PRPF6: variants seen among roughly 807,000 people sequenced by gnomAD.
PRPF6 encodes the protein pre-mRNA processing factor 6.
In PRPF6, 42 loss-of-function variants were observed where a neutral mutation model predicts 118.3. The ratio of observed to expected loss-of-function variants is 0.35; its 90% confidence interval spans 0.28 to 0.46. PRPF6 has a LOEUF of 0.46. Among genes scored for constraint, PRPF6 ranks in the 20% least tolerant of loss-of-function variants. The pLI is 1.00. For synonymous variants in PRPF6, 481 were observed against 485.1 expected, an observed-to-expected ratio of 0.99 and a Z score of 0.11; for missense variants, 662 against 1,255.7, an observed-to-expected ratio of 0.53 and a Z score of 7.15.
At chr20:63,993,225 A>AATGT (rs2059125982) in intron 3 of PRPF6, among the ~76,000 whole-genome samples, 182 bp from the exon 4 acceptor site, 1 of 102,902 alleles carries the variant, frequency 9.7e-6, no homozygotes, top group Non-Finnish European at 2.0e-5. Context: ...CAAAAAAAAA[A>AATGT]ATGTGTGTGT....
rs777683469 is a variant in PRPF6 at position 64,032,001 on chromosome 20, C to T, written c.2630C>T (p.Ala877Val). ...TVKIDSDLGDAWAFFYKFELQ... is the reference protein window; with the variant it reads ...TVKIDSDLGDVWAFFYKFELQ... ...AAGATTGACTCGGACCTGGGGGATG[C>T]CTGGGCCTTCTTCTACAAGTTTGAG... is the stretch of plus-strand genomic sequence containing the variant. The change falls in exon 20 of 21, where the codon GCC becomes GTC. Residue 877 changes from alanine (A) to valine (V), a missense_variant. Ala to Val is a moderately conservative substitution (Grantham distance 64, BLOSUM62 0). Around this residue, in one of 10 missense-constraint regions of PRPF6, gnomAD observed 244 missense variants for 383.7 expected, o/e 0.64. Coordinates refer to ENST00000266079, the MANE Select transcript of PRPF6 (RefSeq NM_012469.4). 1 of 1,614,172 alleles carries T rather than the reference C, an allele frequency of 6.2e-7. No homozygotes were observed. Among genetic ancestry groups the T allele is most frequent in the Non-Finnish European group, 8.5e-7 (1 of 1,180,040 alleles).
intron 5 of PRPF6, 94 bp downstream of exon 5, chr20:63,995,186 G>A: frequency 6.3e-7 from 1 of 1,595,234 alleles, no homozygotes; most frequent in Non-Finnish European, 8.6e-7. Context: ...GCTTCTGCAG[G>A]TCATGGCTAT....
intron 9 of PRPF6, among the ~76,000 whole-genome samples, chr20:64,004,032 T>C (rs2059179466): frequency 6.6e-6 from 1 of 152,242 alleles, no homozygotes; most frequent in Admixed American, 6.5e-5. Flanking sequence ...TCTGGGTAAT[T>C]AGTATTGTTT....
At chr20:64,005,604 G>A (rs746655281) in intron 9 of PRPF6, among the ~76,000 whole-genome samples, 1 of 152,084 alleles carries the variant, frequency 6.6e-6, no homozygotes, top group Non-Finnish European at 1.5e-5. Context: ...TTTAGACAGA[G>A]CCTCGTCCTA....
chr20:63,997,167 C>G (rs1374220468), intron 6 of PRPF6, among the ~76,000 whole-genome samples: 1 of 152,090 alleles, frequency 6.6e-6, no homozygotes, highest in Non-Finnish European at 1.5e-5. Context: ...ATCCACCGTT[C>G]TCTCTGTTTC....
intron 1 of PRPF6, 127 bp downstream of exon 1, chr20:63,981,443 C>T (rs974492010): frequency 1.1e-6 from 1 of 939,334 alleles, no homozygotes. Context: ...CGGCTTAATC[C>T]CTGCAGGAAG....
intron 6 of PRPF6, among the ~76,000 whole-genome samples, chr20:63,998,713 G>T (rs1288282860): frequency 6.7e-6 from 1 of 150,104 alleles, no homozygotes; most frequent in Admixed American, 6.6e-5. Context: ...GTGGTGGCGG[G>T]CGCCTGTAGT....
intron 9 of PRPF6, among the ~76,000 whole-genome samples, chr20:64,009,554 C>A (rs1432243356): frequency 6.6e-6 from 1 of 152,088 alleles, no homozygotes; most frequent in Non-Finnish European, 1.5e-5. Context: ...GAAACCCCGT[C>A]CCTACTAAAA....
At chr20:64,002,014 G>GTTTTTTTTTTTT (rs386394238) in intron 9 of PRPF6, among the ~76,000 whole-genome samples, 9 of 83,266 alleles carry the variant, frequency 1.1e-4, no homozygotes, top group Non-Finnish European at 1.7e-4. Flanking sequence ...TTTTTTTCTG[G>GTTTTTTTTTTTT]TTTTTTTTTT....
At chr20:64,018,608 A>AT (rs997815472) in intron 12 of PRPF6, among the ~76,000 whole-genome samples, 13 of 151,512 alleles carry the variant, frequency 8.6e-5, no homozygotes, top group South Asian at 8.4e-4. Context: ...CTAAATGGTG[A>AT]TTTTTTTTAA....
In PRPF6 at chr20:64,026,063, G is replaced by A. The variant is rs773257613; in HGVS notation, c.2028+5G>A. 5.6e-6 allele frequency: 9 copies of A among 1,602,068 alleles called. No homozygotes were observed. The highest frequency in any genetic ancestry group is 4.5e-5 in the East Asian group (2 of 44,896). On this transcript the variant is annotated splice_donor_5th_base_variant and intron_variant, in intron 15 of 20. Transcript: ENST00000266079. This position sits in a 1 kb window ranked among gnomAD's most constrained non-coding sequence, Gnocchi z 4.4. ...AGCAGTGCCCCCACCGCCCGGGTAC[G>A]CAGTGGCAGGCAGGGCTGGGCCGTC...
At chr20:64,020,908 T>C (rs1362619782) in intron 12 of PRPF6, among the ~76,000 whole-genome samples, 1 of 151,498 alleles carries the variant, frequency 6.6e-6, no homozygotes, top group Non-Finnish European at 1.5e-5. Flanking sequence ...TGCCTCAGCC[T>C]CCCAAGTAGC....
chr20:63,997,276 C>T (rs966782467), intron 6 of PRPF6, among the ~76,000 whole-genome samples: 1 of 149,608 alleles, frequency 6.7e-6, no homozygotes, highest in African/African-American at 2.5e-5. Flanking sequence ...GTGCAGCATG[C>T]GTCAGCATGT....
At chr20:64,019,669 A>T (rs936324463) in intron 12 of PRPF6, among the ~76,000 whole-genome samples, 3 of 152,204 alleles carry the variant, frequency 2.0e-5, no homozygotes, top group African/African-American at 4.8e-5. Flanking sequence ...GAAATCACAG[A>T]GAGGGGCATA....
chr20:64,013,833 C>T (rs1279159695), intron 11 of PRPF6, among the ~76,000 whole-genome samples: 3 of 152,182 alleles, frequency 2.0e-5, no homozygotes, highest in African/African-American at 7.2e-5. Flanking sequence ...CAGAGCTATG[C>T]GCTATCACCA....
intron 12 of PRPF6, among the ~76,000 whole-genome samples, chr20:64,021,988 CTGTG>C (rs111363019): frequency 0.018 from 2,377 of 135,752 alleles, 52 homozygotes; most frequent in African/African-American, 0.061. Flanking sequence ...GGCCACAGCC[CTGTG>C]TGTGTGTGTG....
intron 14 of PRPF6, among the ~76,000 whole-genome samples, chr20:64,025,487 C>T (rs2059285204): frequency 6.6e-6 from 1 of 152,238 alleles, no homozygotes; most frequent in Admixed American, 6.5e-5. Flanking sequence ...GTCAGTGGCA[C>T]CCTGGGAGTC....
At chr20:63,994,239 C>T (rs1478584098) in intron 4 of PRPF6, among the ~76,000 whole-genome samples, 1 of 150,750 alleles carries the variant, frequency 6.6e-6, no homozygotes, top group Non-Finnish European at 1.5e-5. Flanking sequence ...CTCACCGCAA[C>T]CTCCGCCTCC....
intron 3 of PRPF6, among the ~76,000 whole-genome samples, chr20:63,986,454 C>G (rs547931782): frequency 1.1e-4 from 16 of 150,648 alleles, no homozygotes; most frequent in Non-Finnish European, 2.1e-4. Context: ...TGTTATACAT[C>G]ATATCAACAG....
Sources: allele counts gnomAD v4.1 joint callset (sites outside exome capture counted in the v4.1 genomes callset), GRCh38; gene constraint gnomAD v4.1.1; regional missense constraint gnomAD v4.1.1; non-coding constraint Gnocchi (gnomAD v3.1); transcripts MANE v1.5; gene names NCBI Gene and HGNC (gene_info 2026-07-23, HGNC 2026-07-21).